Variants in NEK9 observed in about 807,000 individuals in gnomAD.
NEK9 encodes the protein NIMA related kinase 9.
Under a neutral mutation model 123.4 loss-of-function variants are expected in NEK9, and 75 were observed. That is an observed-to-expected ratio of 0.61 (90% confidence interval 0.50 to 0.74). The LOEUF (loss-of-function observed/expected upper bound fraction) is 0.74. Ranked by LOEUF, NEK9 falls within the 30% of genes least tolerant of loss-of-function variation. The pLI is 0.00. For missense variants in NEK9, 952 were observed against 1,214.4 expected, an observed-to-expected ratio of 0.78 and a Z score of 3.21; for synonymous variants, 438 against 458.7, an observed-to-expected ratio of 0.95 and a Z score of 0.58.
intron 14 of NEK9, among the ~76,000 whole-genome samples, chr14:75,103,163 G>A (rs1405553354): frequency 1.3e-5 from 2 of 151,152 alleles, no homozygotes; most frequent in East Asian, 3.9e-4. Context: ...TGCACGTTGT[G>A]CACATGTACC....
At chr14:75,084,816 T>G in intron 21 of NEK9, 130 bp from the exon 22 acceptor site, 1 of 1,138,948 alleles carries the variant, frequency 8.8e-7, no homozygotes, top group South Asian at 1.4e-5. Flanking sequence ...GTAGCCACGA[T>G]CTTGTGAGAC....
At chr14:75,089,528 CTTAT>C in intron 19 of NEK9, among the ~76,000 whole-genome samples, 1 of 150,410 alleles carries the variant, frequency 6.6e-6, no homozygotes, top group South Asian at 2.1e-4. Flanking sequence ...CTCGCCCAGC[CTTAT>C]TTATTTATCT....
At chr14:75,089,541 C>A (rs778247018) in intron 19 of NEK9, among the ~76,000 whole-genome samples, 8 of 148,404 alleles carry the variant, frequency 5.4e-5, no homozygotes, top group Non-Finnish European at 1.2e-4. Flanking sequence ...ATTTATTTAT[C>A]TATTTATTTT....
At chr14:75,108,450 A>G (rs950741812) in intron 10 of NEK9, among the ~76,000 whole-genome samples, 2 of 151,936 alleles carry the variant, frequency 1.3e-5, no homozygotes, top group African/African-American at 4.8e-5. Context: ...ATAGAGAAAA[A>G]TAATTCTATT....
rs175485 is a variant in NEK9 at position 75,086,952 on chromosome 14, T to C, written c.2817+66A>G. The C allele has an allele frequency of 1, 1,463,166 of 1,468,860 alleles. 728,910 individuals carry two copies. The highest frequency in any genetic ancestry group is 1 in the East Asian group (43,970 of 43,970). 91.0% of individuals were successfully genotyped at this position (1,468,860 alleles called of 1,614,324 possible). ...AAGGAACAAGTCTATTTCAGTACTT[T>C]GTGTTTTGTTTCTGTGATTCTTCAA... On this transcript the variant is annotated intron_variant, in intron 21 of 21. Coordinates refer to ENST00000238616, the MANE Select transcript of NEK9 (RefSeq NM_033116.6).
Position 75,103,899 on chromosome 14 carries a change from G to A in NEK9, c.1674C>T (p.Leu558=). ...TCAGACCCAGCTTATTGAATTCATTGAGTCCACAGGCCAGCACTTTGCCTG... is the reference window on the plus strand; with the variant it reads ...TCAGACCCAGCTTATTGAATTCATTAAGTCCACAGGCCAGCACTTTGCCTG... ...TQSGKVLACG[L]NEFNKLGLNQ... The change falls in exon 14 of 22, where the codon CTC becomes CTT. Residue 558 remains leucine, a synonymous_variant. Transcript: ENST00000238616. The A allele has an allele frequency of 6.2e-7, 1 of 1,614,066 alleles. No homozygotes were observed. Among genetic ancestry groups the A allele is most frequent in the Non-Finnish European group, 8.5e-7 (1 of 1,179,978 alleles).
intron 21 of NEK9, among the ~76,000 whole-genome samples, chr14:75,085,757 G>T (rs905329336): frequency 6.6e-6 from 1 of 152,306 alleles, no homozygotes; most frequent in East Asian, 1.9e-4. Context: ...GAGCATGGTG[G>T]AACATGCCTG....
intron 13 of NEK9, among the ~76,000 whole-genome samples, chr14:75,104,585 C>T (rs543407319): frequency 2.6e-5 from 4 of 152,004 alleles, no homozygotes; most frequent in African/African-American, 7.2e-5. Context: ...AGGTTCAAAG[C>T]GATTCTCCTG....
rs1245870898 is a variant in NEK9, at chr14:75,101,728, A to G, written c.1769T>C (p.Leu590Ser). The G allele has an allele frequency of 8.1e-6, 13 of 1,614,116 alleles. No individual in the cohort carries two copies. The highest frequency in any genetic ancestry group is 1.1e-5 in the Non-Finnish European group (13 of 1,179,932). Residue 590 changes from leucine to serine, a missense_variant, in exon 15 of 22, where the codon TTG (leucine) becomes TCG (serine). Transcript: ENST00000238616. ...HEVPYTTSFT[L>S]AKQLSFYKIR... ...CTTATAAAAGGACAACTGTTTGGCC[A>G]AGGTAAAGGACGTTGTGTAGGGAAC...
intron 12 of NEK9, 141 bp downstream of exon 12, chr14:75,106,361 G>GAAAAAA (rs34426692): frequency 2.3e-5 from 7 of 300,602 alleles, no homozygotes; most frequent in East Asian, 8.3e-5. Context: ...TCTGTCTCGA[G>GAAAAAA]AAAAAAAAAA....
intron 4 of NEK9, among the ~76,000 whole-genome samples, chr14:75,120,051 T>C (rs907369445): frequency 2.6e-5 from 4 of 152,348 alleles, no homozygotes; most frequent in East Asian, 3.9e-4. Flanking sequence ...TTCTCTTCTA[T>C]AGCTAGAAAT....
intron 19 of NEK9, among the ~76,000 whole-genome samples, chr14:75,089,541 CTATT>C (rs1555351216): frequency 6.7e-6 from 1 of 148,404 alleles, no homozygotes; most frequent in Non-Finnish European, 1.5e-5. Context: ...ATTTATTTAT[CTATT>C]TATTTTTTGA....
intron 6 of NEK9, among the ~76,000 whole-genome samples, chr14:75,114,880 G>A (rs376939282): frequency 1.1e-4 from 16 of 151,952 alleles, no homozygotes; most frequent in African/African-American, 3.9e-4. Context: ...TTATATATGA[G>A]AAAAATGGGG....
rs1240021946 is a variant in NEK9, at chr14:75,087,240, CAAG to C, written c.2605-13_2605-11del. 6.9e-6 allele frequency: 11 copies of C among 1,593,764 alleles called. No individual in the cohort carries two copies. The highest frequency in any genetic ancestry group is 3.4e-5 in the Admixed American group (2 of 59,410). ...GATTCAGCCGAGGTGACTAGAGAGACAAGAAGGAGATTGCAGGAGGTTCTGCCC... is the reference window on the plus strand; with the variant it reads ...GATTCAGCCGAGGTGACTAGAGAGACAAGGAGATTGCAGGAGGTTCTGCCC... On this transcript the variant is annotated splice_polypyrimidine_tract_variant and intron_variant, in intron 20 of 21. Coordinates refer to ENST00000238616, the MANE Select transcript of NEK9 (RefSeq NM_033116.6).
At chr14:75,097,763 T>C (rs1338719543) in intron 16 of NEK9, among the ~76,000 whole-genome samples, 2 of 152,088 alleles carry the variant, frequency 1.3e-5, no homozygotes, top group East Asian at 1.9e-4. Flanking sequence ...TTATTTTAGA[T>C]AGGGTAGGTC....
At chr14:75,105,746 T>C (rs2139764404) in intron 13 of NEK9, among the ~76,000 whole-genome samples, 1 of 152,340 alleles carries the variant, frequency 6.6e-6, no homozygotes, top group Admixed American at 6.5e-5. Context: ...ACAGTCGCTG[T>C]ATCCACTTTC....
chr14:75,102,620 G>A (rs1440869852), intron 14 of NEK9, among the ~76,000 whole-genome samples: 1 of 151,976 alleles, frequency 6.6e-6, no homozygotes, highest in African/African-American at 2.4e-5. Context: ...CCAAAGTTCC[G>A]GGATTACAGG....
intron 1 of NEK9, among the ~76,000 whole-genome samples, chr14:75,124,727 A>T (rs1895459970): frequency 6.7e-6 from 1 of 149,248 alleles, no homozygotes; most frequent in African/African-American, 2.5e-5. Flanking sequence ...CAACTCTATA[A>T]TCTCCTCTCA....
At chr14:75,086,830 C>T (rs1485383487) in intron 21 of NEK9, 188 bp downstream of exon 21, 15 of 562,230 alleles carry the variant, frequency 2.7e-5, no homozygotes, top group Admixed American at 1.5e-4. Flanking sequence ...TGCTTGAATC[C>T]GGGAGGCGGA....
Sources: allele counts gnomAD v4.1 joint callset (sites outside exome capture counted in the v4.1 genomes callset), GRCh38; gene constraint gnomAD v4.1.1; transcripts MANE v1.5; gene names NCBI Gene and HGNC (gene_info 2026-07-23, HGNC 2026-07-21).